The following HS6ST3 variants were observed in gnomAD, a reference collection of about 807,000 sequenced individuals.
HS6ST3 encodes heparan sulfate 6-O-sulfotransferase 3.
In HS6ST3, 12 loss-of-function variants were observed where a neutral mutation model predicts 36.7. The observed-to-expected ratio is 0.33, with a 90% CI of 0.21 to 0.53. HS6ST3 has a LOEUF of 0.53. Ranked by LOEUF, HS6ST3 falls within the 20% of genes least tolerant of loss-of-function variation. The probability of loss-of-function intolerance (pLI) is 0.95; values close to 1 mark genes in which losing one functional copy is unlikely to be tolerated. For missense variants in HS6ST3, 584 were observed against 640.9 expected, an observed-to-expected ratio of 0.91 and a Z score of 0.96; for synonymous variants, 240 against 257.5, an observed-to-expected ratio of 0.93 and a Z score of 0.65.
In HS6ST3 at chr13:96,354,176, A is replaced by G. The variant is rs151235237; in HGVS notation, c.707+262607A>G. Among the ~76,000 whole-genome samples, 58 of 152,330 alleles carry G rather than the reference A, an allele frequency of 3.8e-4. 1 individual carries two copies. The highest frequency in any genetic ancestry group is 1.3e-3 in the African/African-American group (56 of 41,580). ...TGGTATAACTACACAGTGAAAAACT[A>G]TGCATGTATTTATTAAAGAGAGTTA... On this transcript the variant is annotated intron_variant, in intron 1 of 1. Transcript: ENST00000376705.
At chr13:96,144,952 C>G (rs2054049914) in intron 1 of HS6ST3, among the ~76,000 whole-genome samples, 1 of 151,294 alleles carries the variant, frequency 6.6e-6, no homozygotes, top group African/African-American at 2.4e-5. Flanking sequence ...CCAGCTTCCT[C>G]TATGTTCCTA....
chr13:96,470,878 C>G (rs1201796715), intron 1 of HS6ST3, among the ~76,000 whole-genome samples: 1 of 152,174 alleles, frequency 6.6e-6, no homozygotes, highest in Non-Finnish European at 1.5e-5. Context: ...TAGGTCTCAG[C>G]TTAACTATCG....
At chr13:96,194,366 C>T (rs983988592) in intron 1 of HS6ST3, among the ~76,000 whole-genome samples, 4 of 152,096 alleles carry the variant, frequency 2.6e-5, no homozygotes, top group Admixed American at 1.3e-4. Flanking sequence ...GATAAATTAT[C>T]GTCAATTATA....
intron 1 of HS6ST3, among the ~76,000 whole-genome samples, chr13:96,258,188 G>A (rs1312045038): frequency 6.6e-6 from 1 of 152,130 alleles, no homozygotes; most frequent in African/African-American, 2.4e-5. Flanking sequence ...CTATTGTTGA[G>A]TCCTTTAAAT....
At chr13:96,665,437 A>G (rs973999488) in intron 1 of HS6ST3, among the ~76,000 whole-genome samples, 5 of 152,186 alleles carry the variant, frequency 3.3e-5, no homozygotes, top group African/African-American at 4.8e-5. Flanking sequence ...TTAATTATGC[A>G]TAAGTATACC....
chr13:96,148,104 G>A (rs1324941951), intron 1 of HS6ST3, among the ~76,000 whole-genome samples: 5 of 152,118 alleles, frequency 3.3e-5, no homozygotes, highest in East Asian at 3.8e-4. Flanking sequence ...ATTTATTTCA[G>A]TGTTTAGTAT....
intron 1 of HS6ST3, among the ~76,000 whole-genome samples, chr13:96,294,560 C>T (rs1334634686): frequency 6.6e-6 from 1 of 152,038 alleles, no homozygotes; most frequent in Non-Finnish European, 1.5e-5. Context: ...GTAGAAGATT[C>T]CACTGGACAG....
chr13:96,800,560 T>C (rs773299687), intron 1 of HS6ST3, among the ~76,000 whole-genome samples: 11 of 152,114 alleles, frequency 7.2e-5, no homozygotes, highest in Non-Finnish European at 1.2e-4. Flanking sequence ...AAAAAATATA[T>C]AAGACTTTTC....
intron 1 of HS6ST3, among the ~76,000 whole-genome samples, chr13:96,476,029 G>A (rs1365941466): frequency 6.6e-6 from 1 of 152,200 alleles, no homozygotes; most frequent in African/African-American, 2.4e-5. Context: ...ACGCCTTGGA[G>A]GCTGGTAAAT....
At chr13:96,526,603 T>A (rs2056115463) in intron 1 of HS6ST3, among the ~76,000 whole-genome samples, 3 of 152,220 alleles carry the variant, frequency 2.0e-5, no homozygotes, top group African/African-American at 7.2e-5. Context: ...TGTGAAGCTA[T>A]GACGGAATGT....
chr13:96,239,951 G>C (rs2054552413), intron 1 of HS6ST3, among the ~76,000 whole-genome samples: 1 of 152,104 alleles, frequency 6.6e-6, no homozygotes, highest in South Asian at 2.1e-4. Context: ...TTGGTGGTTA[G>C]ATCTCTATGT....
intron 1 of HS6ST3, among the ~76,000 whole-genome samples, chr13:96,344,200 G>A (rs545024181): frequency 2.5e-4 from 38 of 152,182 alleles, no homozygotes; most frequent in Admixed American, 1.6e-3. Flanking sequence ...ACTCTATAAG[G>A]TTGCCCTATG....
intron 1 of HS6ST3, among the ~76,000 whole-genome samples, chr13:96,618,040 C>T (rs2056480719): frequency 6.6e-6 from 1 of 152,196 alleles, no homozygotes; most frequent in Non-Finnish European, 1.5e-5. Flanking sequence ...TGAGCTTGCA[C>T]TCCAATGAAC....
intron 1 of HS6ST3, among the ~76,000 whole-genome samples, chr13:96,153,131 C>T (rs1474236097): frequency 6.6e-6 from 1 of 152,150 alleles, no homozygotes; most frequent in African/African-American, 2.4e-5. Context: ...TGGACACACA[C>T]ACCTACATCT....
Position 96,681,512 on chromosome 13 carries a change from T to G in HS6ST3, c.708-150978T>G, listed in dbSNP as rs953479333. 7.2e-5 allele frequency among the ~76,000 whole-genome samples: 11 copies of G among 152,318 alleles called. No individual in the cohort carries two copies. In the East Asian group the frequency reaches 2.1e-3, roughly 29 times the overall value. On this transcript the variant is annotated intron_variant, in intron 1 of 1. Transcript: ENST00000376705. ...ACCTCATTACATCTTTCATTGGACTTTCTGTCCTAGATTGACAAGGATGGG... is the reference window on the plus strand; with the variant it reads ...ACCTCATTACATCTTTCATTGGACTGTCTGTCCTAGATTGACAAGGATGGG...
chr13:96,295,518 A>G (rs1223270650), intron 1 of HS6ST3, among the ~76,000 whole-genome samples: 1 of 152,144 alleles, frequency 6.6e-6, no homozygotes, highest in Non-Finnish European at 1.5e-5. Flanking sequence ...TGGCTTCAGT[A>G]CAGATGTTGA....
At chr13:96,760,450 G>A (rs1325731896) in intron 1 of HS6ST3, among the ~76,000 whole-genome samples, 1 of 151,772 alleles carries the variant, frequency 6.6e-6, no homozygotes, top group Non-Finnish European at 1.5e-5. Context: ...ACATGATTGT[G>A]CATTGTCCAA....
At chr13:96,557,732 T>G (rs1433307892) in intron 1 of HS6ST3, among the ~76,000 whole-genome samples, 3 of 152,190 alleles carry the variant, frequency 2.0e-5, no homozygotes, top group African/African-American at 7.2e-5. Context: ...TCCTCTATCA[T>G]GATAATAGTA....
At position 96,406,347 on chromosome 13, in the gene HS6ST3, T is replaced by A. The variant is rs536982514; in HGVS notation, c.707+314778T>A. ...CGATTTCTTTGTTCTCAAATACTAG[T>A]GAGTACAACCATTACCTATTTTTGT... is the stretch of plus-strand genomic sequence containing the variant. On this transcript the variant is annotated intron_variant, in intron 1 of 1. Coordinates refer to ENST00000376705, the MANE Select transcript of HS6ST3 (RefSeq NM_153456.4). 3.9e-5 allele frequency among the ~76,000 whole-genome samples: 6 copies of A among 152,336 alleles called. No individual in the cohort carries two copies. The South Asian group carries it at 1.2e-3, about 32-fold the overall frequency.
Sources: allele counts gnomAD v4.1 joint callset (sites outside exome capture counted in the v4.1 genomes callset), GRCh38; gene constraint gnomAD v4.1.1; transcripts MANE v1.5; gene names NCBI Gene and HGNC (gene_info 2026-07-23, HGNC 2026-07-21).